Variants in CHERP observed in about 807,000 individuals in gnomAD.
CHERP encodes ERPROT 213-21.
Under a neutral mutation model 113.8 loss-of-function variants are expected in CHERP, and 8 were observed. That is an observed-to-expected ratio of 0.07 (90% CI 0.04 to 0.13). The LOEUF (loss-of-function observed/expected upper bound fraction) is 0.13. CHERP is among the 10% of genes least tolerant of loss of function. CHERP has a pLI of 1.00. For missense variants in CHERP, 884 were observed against 1,298.2 expected, an observed-to-expected ratio of 0.68 and a Z score of 4.90; for synonymous variants, 559 against 524.5, an observed-to-expected ratio of 1.07 and a Z score of -0.90.
intron 8 of CHERP, 23 bp from the exon 9 acceptor site, chr19:16,528,278 T>TA: frequency 6.4e-7 from 1 of 1,550,804 alleles, no homozygotes; most frequent in Non-Finnish European, 8.7e-7. Context: ...GACAGGCAGT[T>TA]AGAGCAGGCC....
chr19:16,521,214 C>A (rs116677014), intron 12 of CHERP: 202 of 575,932 alleles, frequency 3.5e-4, no homozygotes, highest in African/African-American at 3.4e-3. Context: ...GGCCTGCAGC[C>A]CAGCACAGGA....
In CHERP at chr19:16,523,310, C is replaced by T; in HGVS notation, c.1742-20G>A. On this transcript the variant is annotated intron_variant, in intron 10 of 16. Coordinates refer to ENST00000546361, the MANE Select transcript of CHERP (RefSeq NM_006387.6). This position sits in a 1 kb window ranked among gnomAD's most constrained non-coding sequence, Gnocchi z 4.0. ...CCATTTCTGCAAAACAGAGACTTGC[C>T]TCAGGACCACAGGCCAGTCAGGATC... 6.2e-7 allele frequency: 1 copy of T among 1,601,774 alleles called. No individual in the cohort carries two copies. The highest frequency in any genetic ancestry group is 1.7e-5 in the Admixed American group (1 of 57,888).
chr19:16,533,810 G>GA (rs926042757), intron 3 of CHERP, among the ~76,000 whole-genome samples: 26 of 149,828 alleles, frequency 1.7e-4, no homozygotes, highest in Non-Finnish European at 2.7e-4. Flanking sequence ...GAAAAGAAAA[G>GA]AAAAAAAAAG....
Position 16,525,167 on chromosome 19 carries a change from C to G in CHERP, c.1741+75G>C. 1 of 1,303,072 alleles carries G rather than the reference C, an allele frequency of 7.7e-7. No individual in the cohort carries two copies. The highest frequency in any genetic ancestry group is 1.0e-6 in the Non-Finnish European group (1 of 995,900). 80.7% of individuals were successfully genotyped at this position (1,303,072 alleles called of 1,614,324 possible). On this transcript the variant is annotated intron_variant, in intron 10 of 16. Coordinates refer to ENST00000546361, the MANE Select transcript of CHERP (RefSeq NM_006387.6). This position sits in a 1 kb window ranked among gnomAD's most constrained non-coding sequence, Gnocchi z 6.5. Reference sequence around the variant, plus strand: ...CTCAGGAGCATGGCAGGGCCACAAGCAGCGCCACCAGCCTGCTCGGCAGGC... The same window carrying G: ...CTCAGGAGCATGGCAGGGCCACAAGGAGCGCCACCAGCCTGCTCGGCAGGC...
rs1273970633 is a variant in CHERP, at chr19:16,521,660, G to A, written c.1981-6C>T. On this transcript the variant is annotated splice_polypyrimidine_tract_variant and splice_region_variant and intron_variant, in intron 11 of 16. Coordinates refer to ENST00000546361, the MANE Select transcript of CHERP (RefSeq NM_006387.6). ...TTGTACTCGTGATCTTCCAGCTGCA[G>A]CAGAGAACCCCAGCTGTCACCATGC... 1 of 1,569,318 alleles carries A rather than the reference G, an allele frequency of 6.4e-7. No individual in the cohort carries two copies. Among genetic ancestry groups the A allele is most frequent in the Non-Finnish European group, 8.7e-7 (1 of 1,154,440 alleles).
At position 16,529,632 on chromosome 19, in the gene CHERP, T is replaced by C. The variant is rs1376671883; in HGVS notation, c.1129+16A>G. 7 of 1,534,844 alleles carry C rather than the reference T, an allele frequency of 4.6e-6. No homozygotes were observed. The highest frequency in any genetic ancestry group is 6.1e-6 in the Non-Finnish European group (7 of 1,143,534). Reference sequence around the variant, plus strand: ...GCTGTTTCCTGGGGGCAGGCTGAGCTGAGGGAGCCCCGTACCAGGCTGGGT... The same window carrying C: ...GCTGTTTCCTGGGGGCAGGCTGAGCCGAGGGAGCCCCGTACCAGGCTGGGT... On this transcript the variant is annotated intron_variant, in intron 8 of 16. Transcript: ENST00000546361.
chr19:16,541,073 A>G (rs1219631676), intron 2 of CHERP: 1 of 152,140 alleles, frequency 6.6e-6, no homozygotes, highest in African/African-American at 2.4e-5. Context: ...TTAATACAAG[A>G]CGAGCGTGTA....
chr19:16,531,447 CTG>C (rs2085703749), intron 5 of CHERP, among the ~76,000 whole-genome samples: 1 of 152,122 alleles, frequency 6.6e-6, no homozygotes, highest in Admixed American at 6.5e-5. Context: ...GCACAGGACA[CTG>C]TGCATACCTG....
At chr19:16,542,248 G>A (rs1448475785) in intron 1 of CHERP, 106 bp downstream of exon 1, 9 of 1,168,266 alleles carry the variant, frequency 7.7e-6, no homozygotes, top group East Asian at 3.1e-5. Flanking sequence ...GAAGCCGCGA[G>A]GCCGAGCCCC....
Position 16,541,928 on chromosome 19 carries a change from A to G in CHERP, c.141T>C (p.Leu47=), listed in dbSNP as rs2085782923. 6.2e-7 allele frequency: 1 copy of G among 1,613,986 alleles called. No homozygotes were observed. The highest frequency in any genetic ancestry group is 1.3e-5 in the African/African-American group (1 of 74,938). ...KQKDNPKFSF[L]FGGEFYSYYK... ...AGTAACTGTAGAATTCGCCTCCGAA[A>G]AGAAACGAGAATTTGGGGTTGTCCT... The change falls in exon 2 of 17, where the codon CTT becomes CTC. Residue 47 remains leucine, a synonymous_variant. Coordinates refer to ENST00000546361, the MANE Select transcript of CHERP (RefSeq NM_006387.6).
Position 16,520,979 on chromosome 19 carries a change from A to T in CHERP, c.2115-67T>A. ...CCCACAAGGAAGTCGTGAAAAAGTC[A>T]TCAGGAGTTAATCCACAGAACCTTG... On this transcript the variant is annotated intron_variant, in intron 12 of 16. Coordinates refer to ENST00000546361, the MANE Select transcript of CHERP (RefSeq NM_006387.6). This position sits in a 1 kb window ranked among gnomAD's most constrained non-coding sequence, Gnocchi z 4.0. 1 of 1,356,938 alleles carries T rather than the reference A, an allele frequency of 7.4e-7. No individual in the cohort carries two copies. Among genetic ancestry groups the T allele is most frequent in the Non-Finnish European group, 1.1e-6 (1 of 950,698 alleles). The allele number at this position is 1,356,938 out of a possible 1,614,324, so 84.1% of individuals were successfully genotyped here. A position where few individuals can be genotyped will look rare whatever the true frequency, so the allele number is the denominator to read the frequency against.
rs1351506265 is a variant in CHERP, at chr19:16,519,698, C to G, written c.2480G>C (p.Gly827Ala). 2 of 1,613,722 alleles carry G rather than the reference C, an allele frequency of 1.2e-6. No individual in the cohort carries two copies. The highest frequency in any genetic ancestry group is 1.7e-6 in the Non-Finnish European group (2 of 1,179,834). Reference sequence around the variant, plus strand: ...AGGGATGGGAGGCGCCGAATTAGAACCCAGACCAGCAGAGGAACTAAAATC... The same window carrying G: ...AGGGATGGGAGGCGCCGAATTAGAAGCCAGACCAGCAGAGGAACTAAAATC... ...SPTPPSSAGL[G>A]SNSAPPIPDS... is the part of the protein sequence containing the mutation. The change falls in exon 16 of 17, where the codon GGT becomes GCT. Residue 827 changes from glycine (G) to alanine (A), a missense_variant. Transcript: ENST00000546361. The surrounding 1 kb of genome is among the most constrained non-coding windows in gnomAD (Gnocchi z 6.0).
intron 2 of CHERP, among the ~76,000 whole-genome samples, chr19:16,540,230 A>AT (rs1301805376): frequency 2.0e-5 from 3 of 149,784 alleles, no homozygotes; most frequent in South Asian, 2.1e-4. Context: ...TGCCTGGCTA[A>AT]TTTTTTTTGT....
intron 2 of CHERP, 89 bp downstream of exon 2, chr19:16,541,781 C>G: frequency 3.6e-6 from 5 of 1,375,026 alleles, no homozygotes; most frequent in Non-Finnish European, 4.0e-6. Context: ...ATAAACGACC[C>G]GAAAGAAAGA....
Position 16,523,303 on chromosome 19 carries a change from G to T in CHERP, c.1742-13C>A. 6.2e-7 allele frequency: 1 copy of T among 1,602,416 alleles called. No homozygotes were observed. The highest frequency in any genetic ancestry group is 8.5e-7 in the Non-Finnish European group (1 of 1,175,406). On this transcript the variant is annotated splice_polypyrimidine_tract_variant and intron_variant, in intron 10 of 16. Coordinates refer to ENST00000546361, the MANE Select transcript of CHERP (RefSeq NM_006387.6). This position sits in a 1 kb window ranked among gnomAD's most constrained non-coding sequence, Gnocchi z 4.0. ...GGGGGCCCCATTTCTGCAAAACAGA[G>T]ACTTGCCTCAGGACCACAGGCCAGT...
chr19:16,534,990 C>T (rs2085731405), intron 3 of CHERP, among the ~76,000 whole-genome samples: 1 of 151,848 alleles, frequency 6.6e-6, no homozygotes, highest in Admixed American at 6.6e-5. Flanking sequence ...GCAGGAGAAT[C>T]GTTTGAACTC....
At chr19:16,533,810 GA>G (rs926042757) in intron 3 of CHERP, among the ~76,000 whole-genome samples, 24 of 149,826 alleles carry the variant, frequency 1.6e-4, no homozygotes, top group Admixed American at 3.3e-4. Context: ...GAAAAGAAAA[GA>G]AAAAAAAAGA....
At position 16,523,087 on chromosome 19, in the gene CHERP, C is replaced by T. The variant is rs777883442; in HGVS notation, c.1945G>A (p.Asp649Asn). Reference sequence around the variant, plus strand: ...GGGGCCATCAGCCCAGCAGGGAGATCGAAGTAGGGCACATTGGGGACCAGG... The same window carrying T: ...GGGGCCATCAGCCCAGCAGGGAGATTGAAGTAGGGCACATTGGGGACCAGG... ...PSLVPNVPYF[D>N]LPAGLMAPLV... The change falls in exon 11 of 17, where the codon GAT becomes AAT. Residue 649 changes from aspartate to asparagine, a missense_variant. Coordinates refer to ENST00000546361, the MANE Select transcript of CHERP (RefSeq NM_006387.6). The surrounding 1 kb of genome is among the most constrained non-coding windows in gnomAD (Gnocchi z 4.0). The T allele has an allele frequency of 2.6e-6, 4 of 1,527,362 alleles. No homozygotes were observed. Among genetic ancestry groups the T allele is most frequent in the East Asian group, 2.5e-5 (1 of 40,142 alleles). 94.6% of individuals were successfully genotyped at this position (1,527,362 alleles called of 1,614,324 possible). A position where few individuals can be genotyped will look rare whatever the true frequency, so the allele number is the denominator to read the frequency against.
At position 16,535,386 on chromosome 19, in the gene CHERP, G is replaced by A. The variant is rs1217798661; in HGVS notation, c.384+66C>T. On this transcript the variant is annotated intron_variant, in intron 3 of 16. Coordinates refer to ENST00000546361, the MANE Select transcript of CHERP (RefSeq NM_006387.6). The surrounding 1 kb of genome is among the most constrained non-coding windows in gnomAD (Gnocchi z 4.3). ...TGACACCTGTTATTCATTCTGATGA[G>A]CAGACGCAAAAACAGAGGCACAGGG... The A allele has an allele frequency of 6.6e-7, 1 of 1,521,420 alleles. No individual in the cohort carries two copies. Among genetic ancestry groups the A allele is most frequent in the Middle Eastern group, 1.9e-4 (1 of 5,290 alleles). 94.2% of individuals were successfully genotyped at this position (1,521,420 alleles called of 1,614,324 possible).
Sources: gnomAD v4.1 joint callset for allele counts (sites outside exome capture counted in the v4.1 genomes callset) on GRCh38, gnomAD v4.1.1 for gene constraint, Gnocchi (gnomAD v3.1) non-coding constraint, MANE v1.5 for transcripts, NCBI Gene and HGNC (gene_info 2026-07-23, HGNC 2026-07-21) for gene names.